The following CCT7 variants were observed in gnomAD, a reference collection of about 807,000 sequenced individuals.
The protein encoded by CCT7 is chaperonin containing TCP1 subunit 7.
Under a neutral mutation model 56.6 loss-of-function variants are expected in CCT7, and 16 were observed. The observed-to-expected ratio is 0.28, with a 90% CI of 0.19 to 0.43. CCT7 has a LOEUF of 0.43. Ranked by LOEUF, CCT7 falls within the 20% of genes least tolerant of loss-of-function variation. The pLI is 1.00. For missense variants in CCT7, 519 were observed against 685.6 expected (o/e 0.76, Z 2.71); for synonymous variants, 262 against 254.8 (o/e 1.03, Z -0.27).
At chr2:73,250,268 CAA>C (rs759363062) in intron 9 of CCT7, 36 bp from the exon 10 acceptor site, 2 of 1,611,658 alleles carry the variant, frequency 1.2e-6, no homozygotes, top group East Asian at 2.2e-5. Context: ...TGGTGGCAGA[CAA>C]GAGTTCATGT....
intron 3 of CCT7, 74 bp downstream of exon 3, chr2:73,240,617 A>T: frequency 2.5e-6 from 2 of 790,866 alleles, no homozygotes; most frequent in Non-Finnish European, 3.8e-6. Context: ...CCTCTATTAA[A>T]TTTTTTTAAG....
Position 73,234,348 on chromosome 2 carries a change from A to C in CCT7, c.-31A>C. The C allele has an allele frequency of 6.2e-7, 1 of 1,613,616 alleles. No individual in the cohort carries two copies. The highest frequency in any genetic ancestry group is 8.5e-7 in the Non-Finnish European group (1 of 1,179,816). On this transcript the variant is annotated 5_prime_UTR_variant, in exon 1 of 12. Coordinates refer to ENST00000258091, the MANE Select transcript of CCT7 (RefSeq NM_006429.4). ...GCGGCCCGGTCTCGGAGAAGAGGGGAGAGTGGCGGGCCGCTGAATAAGCTT... is the reference window on the plus strand; with the variant it reads ...GCGGCCCGGTCTCGGAGAAGAGGGGCGAGTGGCGGGCCGCTGAATAAGCTT...
intron 4 of CCT7, among the ~76,000 whole-genome samples, chr2:73,243,631 T>C (rs1172581970): frequency 6.6e-6 from 1 of 152,220 alleles, no homozygotes; most frequent in Non-Finnish European, 1.5e-5. Flanking sequence ...ATATAACTAA[T>C]ATATAAAGTG....
In CCT7 at chr2:73,244,682, T is replaced by C; in HGVS notation, c.585T>C (p.Ile195=). 3 of 1,613,722 alleles carry C rather than the reference T, an allele frequency of 1.9e-6. No individual in the cohort carries two copies. Among genetic ancestry groups the C allele is most frequent in the Non-Finnish European group, 2.5e-6 (3 of 1,179,754 alleles). Residue 195 remains isoleucine (I), a synonymous_variant, in exon 6 of 12, where the codon ATT becomes ATC. Transcript: ENST00000258091. ...ATGATTTGCTGCAGCTTAAAATGAT[T>C]GGAATCAAGAAGGTACAGGGTGGAG... ...MLDDLLQLKM[I]GIKKVQGGAL... is the part of the protein sequence containing the mutation.
intron 6 of CCT7, 123 bp from the exon 7 acceptor site, chr2:73,247,639 G>T: frequency 1.4e-6 from 1 of 716,984 alleles, no homozygotes; most frequent in Middle Eastern, 4.0e-4. Flanking sequence ...TGTTACAGCA[G>T]TGAAATAAAG....
rs751079104 is a variant in CCT7, at chr2:73,252,768, C to G, written c.1539C>G (p.Ile513Met). The G allele has an allele frequency of 1.2e-6, 2 of 1,614,098 alleles. No individual in the cohort carries two copies. Among genetic ancestry groups the G allele is most frequent in the Admixed American group, 3.3e-5 (2 of 60,024 alleles). The change falls in exon 12 of 12, where the codon ATC (isoleucine) becomes ATG (methionine). Residue 513 changes from isoleucine to methionine, a missense_variant. Ile to Met is a conservative substitution (Grantham distance 10). Transcript: ENST00000258091. ...LTAASEAACL[I>M]VSVDETIKNP... ...CAGCCTCTGAGGCTGCGTGCCTGATCGTGTCTGTAGATGAAACCATCAAGA... is the reference window on the plus strand; with the variant it reads ...CAGCCTCTGAGGCTGCGTGCCTGATGGTGTCTGTAGATGAAACCATCAAGA...
chr2:73,252,607 C>G (rs758865291), intron 11 of CCT7, 33 bp from the exon 12 acceptor site: 1 of 1,533,184 alleles, frequency 6.5e-7, no homozygotes, highest in East Asian at 2.3e-5. Context: ...AAAGTAGTTC[C>G]ATATTACCTC....
intron 6 of CCT7, among the ~76,000 whole-genome samples, chr2:73,245,402 C>G (rs1349809772): frequency 6.6e-6 from 1 of 152,192 alleles, no homozygotes; most frequent in Non-Finnish European, 1.5e-5. Flanking sequence ...GGTGGTGGGA[C>G]TGTTACATAT....
rs60878268 is a variant in CCT7 at position 73,235,625 on chromosome 2, G to A, written c.6+1241G>A. 6.8e-4 allele frequency: 600 copies of A among 884,780 alleles called. No homozygotes were observed. In the African/African-American group the frequency reaches 0.01, roughly 15 times the overall value. The allele number at this position is 884,780 out of a possible 1,614,324, so 54.8% of individuals were successfully genotyped here. A position where few individuals can be genotyped will look rare whatever the true frequency, so the allele number is the denominator to read the frequency against. On this transcript the variant is annotated intron_variant, in intron 1 of 11. Coordinates refer to ENST00000258091, the MANE Select transcript of CCT7 (RefSeq NM_006429.4). ...TACAGCAGTTGAGAGTAAGGCCTCT[G>A]GAGCTACACTGAATGCCTAGGTTTG...
At chr2:73,250,786 A>T (rs966497457) in intron 10 of CCT7, among the ~76,000 whole-genome samples, 12 of 151,916 alleles carry the variant, frequency 7.9e-5, no homozygotes, top group Admixed American at 7.2e-4. Flanking sequence ...AAATAAAAAA[A>T]TTAGCCAGGA....
At chr2:73,245,776 T>C (rs1446345222) in intron 6 of CCT7, among the ~76,000 whole-genome samples, 1 of 152,138 alleles carries the variant, frequency 6.6e-6, no homozygotes, top group Non-Finnish European at 1.5e-5. Flanking sequence ...CCATTTCCCC[T>C]CCTATTGTGG....
chr2:73,247,541 T>C (rs565742750), intron 6 of CCT7, among the ~76,000 whole-genome samples: 1 of 151,260 alleles, frequency 6.6e-6, no homozygotes, highest in Non-Finnish European at 1.5e-5. Flanking sequence ...ATTTTCCTTA[T>C]GCTTAAGGGG....
Position 73,242,315 on chromosome 2 carries a change from TGTCGCCCA to T in CCT7, c.268-687_268-680del, listed in dbSNP as rs541144043. Among the ~76,000 whole-genome samples, 55 of 152,294 alleles carry T rather than the reference TGTCGCCCA, an allele frequency of 3.6e-4. No homozygotes were observed. In the South Asian group the frequency reaches 8.7e-3, roughly 24 times the overall value. On this transcript the variant is annotated intron_variant, in intron 3 of 11. Transcript: ENST00000258091. ...TGCTTCTTGAGACGGAGTCTCACTCTGTCGCCCAGGCTGGAGTGCTGTGGTGCGATCTT... is the reference window on the plus strand; with the variant it reads ...TGCTTCTTGAGACGGAGTCTCACTCTGGCTGGAGTGCTGTGGTGCGATCTT...
chr2:73,246,057 A>G (rs1034333941), intron 6 of CCT7, among the ~76,000 whole-genome samples: 27 of 152,214 alleles, frequency 1.8e-4, no homozygotes, highest in Admixed American at 1.6e-3. Flanking sequence ...CTGGCAAGAG[A>G]GCCAGGGACT....
Position 73,252,907 on chromosome 2 carries a change from T to TAC in CCT7, c.*47_*48dup, listed in dbSNP as rs1687662570. The TAC allele has an allele frequency of 6.9e-7, 1 of 1,454,210 alleles. No individual in the cohort carries two copies. The highest frequency in any genetic ancestry group is 1.4e-5 in the African/African-American group (1 of 71,712). 90.1% of individuals were successfully genotyped at this position (1,454,210 alleles called of 1,614,324 possible). A position where few individuals can be genotyped will look rare whatever the true frequency, so the allele number is the denominator to read the frequency against. Reference sequence around the variant, plus strand: ...TGGCTGGCTGGCTGCTGGGTGCACTTACCCTCCTTGGCTTGGTTACTTCAT... The same window carrying TAC: ...TGGCTGGCTGGCTGCTGGGTGCACTTACACCCTCCTTGGCTTGGTTACTTCAT... On this transcript the variant is annotated 3_prime_UTR_variant, in exon 12 of 12. Coordinates refer to ENST00000258091, the MANE Select transcript of CCT7 (RefSeq NM_006429.4).
At chr2:73,246,799 A>G (rs1317679681) in intron 6 of CCT7, among the ~76,000 whole-genome samples, 4 of 152,128 alleles carry the variant, frequency 2.6e-5, no homozygotes, top group Non-Finnish European at 5.9e-5. Context: ...ATTTCTGCTC[A>G]TCTGTCATTC....
At position 73,247,028 on chromosome 2, in the gene CCT7, C is replaced by CAA. The variant is rs570033697; in HGVS notation, c.619-733_619-732insAA. On this transcript the variant is annotated intron_variant, in intron 6 of 11. Coordinates refer to ENST00000258091, the MANE Select transcript of CCT7 (RefSeq NM_006429.4). ...AGATCTGAGATTGGAACCTAAGTCT[C>CAA]ACGGTAGTGCTGAGTCAGCCCTGGG... Among the ~76,000 whole-genome samples, 458 of 152,288 alleles carry CAA rather than the reference C, an allele frequency of 3.0e-3. 3 individuals carry two copies. Among genetic ancestry groups the CAA allele is most frequent in the African/African-American group, 9.8e-3 (408 of 41,566 alleles).
intron 1 of CCT7, chr2:73,237,548 A>T (rs1000238228): frequency 1.3e-5 from 2 of 152,102 alleles, no homozygotes; most frequent in African/African-American, 4.8e-5. Context: ...TCTTTCCCTT[A>T]CAGAAGGTGC....
At chr2:73,245,408 C>G (rs374260542) in intron 6 of CCT7, among the ~76,000 whole-genome samples, 3 of 152,210 alleles carry the variant, frequency 2.0e-5, no homozygotes, top group Admixed American at 6.5e-5. Context: ...GGGACTGTTA[C>G]ATATCTGCGC....
Sources: gnomAD v4.1 joint callset for allele counts (sites outside exome capture counted in the v4.1 genomes callset) on GRCh38, gnomAD v4.1.1 for gene constraint, MANE v1.5 for transcripts, NCBI Gene and HGNC (gene_info 2026-07-23, HGNC 2026-07-21) for gene names.